Variants in PLGRKT observed in about 807,000 individuals in gnomAD.
PLGRKT encodes plasminogen receptor with a C-terminal lysine.
A neutral mutation model predicts 18.5 loss-of-function variants in PLGRKT; 22 were observed. The observed-to-expected ratio is 1.19, with a 90% confidence interval of 0.85 to 1.70. The LOEUF (loss-of-function observed/expected upper bound fraction) is 1.70, where lower values mean the gene tolerates loss of function less well. PLGRKT is among the 40% of genes most tolerant of loss of function. The pLI is 0.00. For synonymous variants in PLGRKT, 72 were observed against 52.8 expected, an observed-to-expected ratio of 1.36 and a Z score of -1.58; for missense variants, 235 against 174.4, an observed-to-expected ratio of 1.35 and a Z score of -1.96.
At chr9:5,394,244 C>G (rs773289147) in intron 3 of PLGRKT, among the ~76,000 whole-genome samples, 22 of 151,734 alleles carry the variant, frequency 1.4e-4, no homozygotes, top group Non-Finnish European at 2.6e-4. Context: ...TCCTGATGAA[C>G]TGAGGGTGAG....
intron 3 of PLGRKT, among the ~76,000 whole-genome samples, chr9:5,370,444 T>C (rs189573247): frequency 6.4e-4 from 97 of 152,354 alleles, no homozygotes; most frequent in Non-Finnish European, 2.6e-4. Flanking sequence ...GCAGTTTTAA[T>C]TTCATATTTA....
intron 3 of PLGRKT, among the ~76,000 whole-genome samples, chr9:5,427,422 A>C (rs999497034): frequency 5.8e-4 from 88 of 152,336 alleles, no homozygotes; most frequent in African/African-American, 1.9e-3. Context: ...AATATGAAAA[A>C]AAAAATCATA....
At chr9:5,392,290 G>C (rs1415223057) in intron 3 of PLGRKT, 1 of 151,842 alleles carries the variant, frequency 6.6e-6, no homozygotes, top group Admixed American at 6.6e-5. Flanking sequence ...AATTGCTTAG[G>C]GTTAATATAT....
rs901342389 is a variant in PLGRKT, at chr9:5,370,207, C to T, written c.82-8319G>A. Among the ~76,000 whole-genome samples the T allele has an allele frequency of 6.6e-4, 101 of 152,194 alleles. 1 individual carries two copies. The highest frequency in any genetic ancestry group is 2.4e-3 in the African/African-American group (98 of 41,456). On this transcript the variant is annotated intron_variant, in intron 3 of 5. Transcript: ENST00000223864. ...ACATCAGCTCTTTCCTGTGTATTTT[C>T]ATTCTTCAATTTCTTTGTTTAAAAA...
intron 3 of PLGRKT, among the ~76,000 whole-genome samples, chr9:5,424,595 G>T (rs1285476776): frequency 1.6e-5 from 2 of 123,140 alleles, no homozygotes. Flanking sequence ...ATATTATACA[G>T]TAATATAATA....
chr9:5,366,200 ATTG>A (rs1214059663), intron 3 of PLGRKT, among the ~76,000 whole-genome samples: 2 of 152,146 alleles, frequency 1.3e-5, no homozygotes, highest in Non-Finnish European at 2.9e-5. Flanking sequence ...AATTAATGCA[ATTG>A]TTAACTTACC....
intron 3 of PLGRKT, among the ~76,000 whole-genome samples, chr9:5,421,624 T>C (rs1818576663): frequency 6.6e-6 from 1 of 152,260 alleles, no homozygotes; most frequent in Non-Finnish European, 1.5e-5. Flanking sequence ...TTGCTTTAAT[T>C]ACTGACTTTG....
chr9:5,384,610 C>A (rs1817807211), intron 3 of PLGRKT, among the ~76,000 whole-genome samples: 2 of 152,088 alleles, frequency 1.3e-5, no homozygotes, highest in African/African-American at 2.4e-5. Context: ...ACTGAATCAT[C>A]TGTGGAAGAG....
At chr9:5,400,715 G>C (rs554819265) in intron 3 of PLGRKT, among the ~76,000 whole-genome samples, 1 of 152,080 alleles carries the variant, frequency 6.6e-6, no homozygotes, top group South Asian at 2.1e-4. Flanking sequence ...GAATAGTACA[G>C]AGGCTGGCAT....
chr9:5,381,131 G>A (rs971514857), intron 3 of PLGRKT, among the ~76,000 whole-genome samples: 17 of 152,320 alleles, frequency 1.1e-4, no homozygotes, highest in Admixed American at 9.1e-4. Flanking sequence ...AAATTACCTA[G>A]TAACAGTATG....
intron 3 of PLGRKT, among the ~76,000 whole-genome samples, chr9:5,372,154 G>A (rs968058994): frequency 6.6e-6 from 1 of 151,484 alleles, no homozygotes; most frequent in Non-Finnish European, 1.5e-5. Flanking sequence ...GCTAATTTTT[G>A]TATTTTTATA....
At chr9:5,410,328 G>A (rs987938195) in intron 3 of PLGRKT, among the ~76,000 whole-genome samples, 1 of 151,986 alleles carries the variant, frequency 6.6e-6, no homozygotes, top group African/African-American at 2.4e-5. Flanking sequence ...TTGAGGTCAG[G>A]AGTTTAAGAC....
At chr9:5,358,700 C>A (rs1247700921) in intron 5 of PLGRKT, among the ~76,000 whole-genome samples, 3 of 152,148 alleles carry the variant, frequency 2.0e-5, no homozygotes, top group African/African-American at 7.2e-5. Context: ...CATAGTCTTT[C>A]CCATTGTCCT....
At chr9:5,364,867 C>A (rs546557674) in intron 3 of PLGRKT, among the ~76,000 whole-genome samples, 1 of 152,250 alleles carries the variant, frequency 6.6e-6, no homozygotes, top group East Asian at 1.9e-4. Context: ...CTAGAATGAA[C>A]CATGTGGTAC....
At chr9:5,417,097 A>G (rs563688249) in intron 3 of PLGRKT, among the ~76,000 whole-genome samples, 2 of 152,328 alleles carry the variant, frequency 1.3e-5, no homozygotes, top group South Asian at 4.2e-4. Context: ...ATTTCCATTC[A>G]TTCCAGCTTT....
At chr9:5,436,179 C>T (rs528682381) in intron 2 of PLGRKT, among the ~76,000 whole-genome samples, 19 of 152,300 alleles carry the variant, frequency 1.2e-4, no homozygotes, top group Admixed American at 3.9e-4. Flanking sequence ...CAGTCCCATG[C>T]GACTCATCTC....
intron 3 of PLGRKT, among the ~76,000 whole-genome samples, chr9:5,411,162 C>T (rs914927739): frequency 3.3e-5 from 5 of 151,762 alleles, no homozygotes; most frequent in Non-Finnish European, 5.9e-5. Context: ...GGCAGGTGGA[C>T]CACCTGAGGT....
Position 5,393,393 on chromosome 9 carries a change from A to G in PLGRKT, c.82-31505T>C, listed in dbSNP as rs925773834. 5.9e-5 allele frequency among the ~76,000 whole-genome samples: 9 copies of G among 151,816 alleles called. 1 individual carries two copies. Among genetic ancestry groups the G allele is most frequent in the African/African-American group, 2.2e-4 (9 of 41,154 alleles). ...TCTATGGTTACTGTGAAATATGTGG[A>G]TTTTTAAAAATAGCTCTAGCAGTTA... On this transcript the variant is annotated intron_variant, in intron 3 of 5. Coordinates refer to ENST00000223864, the MANE Select transcript of PLGRKT (RefSeq NM_018465.4).
At chr9:5,423,481 G>A (rs1441602212) in intron 3 of PLGRKT, among the ~76,000 whole-genome samples, 14 of 151,870 alleles carry the variant, frequency 9.2e-5, no homozygotes, top group East Asian at 3.9e-4. Context: ...TTATCCTTAC[G>A]TACACTCAGG....
Sources: gnomAD v4.1 joint callset for allele counts (sites outside exome capture counted in the v4.1 genomes callset) on GRCh38, gnomAD v4.1.1 for gene constraint, MANE v1.5 for transcripts, NCBI Gene and HGNC (gene_info 2026-07-23, HGNC 2026-07-21) for gene names.